Variants in CSNK1A1 observed in about 807,000 individuals in gnomAD.
CSNK1A1 encodes casein kinase 1 alpha 1, also known as casein kinase I isoform alpha.
A neutral mutation model predicts 46.1 loss-of-function variants in CSNK1A1; 7 were observed. The ratio of observed to expected loss-of-function variants is 0.15; its 90% CI spans 0.09 to 0.29. CSNK1A1 has a LOEUF of 0.29. CSNK1A1 is among the 10% of genes least tolerant of loss of function. The pLI is 1.00. For missense variants in CSNK1A1, 96 were observed against 417.1 expected, an observed-to-expected ratio of 0.23 and a Z score of 6.71; for synonymous variants, 137 against 141.5, an observed-to-expected ratio of 0.97 and a Z score of 0.23.
intron 2 of CSNK1A1, among the ~76,000 whole-genome samples, chr5:149,530,455 A>G (rs1761858368): frequency 6.6e-6 from 1 of 152,242 alleles, no homozygotes; most frequent in Non-Finnish European, 1.5e-5. Context: ...ACTAAAAAGT[A>G]TCAACACTGA....
rs537626457 is a variant in CSNK1A1, at chr5:149,550,777, A to G, written c.123+65T>C. 62 of 1,607,372 alleles carry G rather than the reference A, an allele frequency of 3.9e-5. No homozygotes were observed. The African/African-American group carries it at 5.9e-4, about 15-fold the overall frequency. ...AGAGGCCCGAGCACTTTGGGGGTGC[A>G]CGGTGGTGGTGGGGGGAATGAGTAA... On this transcript the variant is annotated intron_variant, in intron 1 of 9. Coordinates refer to ENST00000377843, the MANE Select transcript of CSNK1A1 (RefSeq NM_001892.6). The surrounding 1 kb of genome is among the most constrained non-coding windows in gnomAD (Gnocchi z 4.3).
intron 2 of CSNK1A1, among the ~76,000 whole-genome samples, chr5:149,536,456 G>A (rs959389411): frequency 1.3e-5 from 2 of 152,006 alleles, no homozygotes; most frequent in Non-Finnish European, 2.9e-5. Context: ...AGACAAAAAC[G>A]ATACAAAAAG....
intron 9 of CSNK1A1, chr5:149,504,263 A>C: frequency 1.0e-6 from 1 of 985,460 alleles, no homozygotes; most frequent in Non-Finnish European, 1.2e-6. Context: ...AAGCATCTCA[A>C]CTTCATTCCT....
chr5:149,506,945 A>G, intron 8 of CSNK1A1, 82 bp downstream of exon 8: 3 of 1,033,406 alleles, frequency 2.9e-6, no homozygotes, highest in Admixed American at 2.4e-5. Flanking sequence ...TTACTTTAGT[A>G]TTTATCAGAA....
Position 149,546,613 on chromosome 5 carries a change from C to T in CSNK1A1, c.230+3462G>A, listed in dbSNP as rs536949909. Among the ~76,000 whole-genome samples, 5 of 148,738 alleles carry T rather than the reference C, an allele frequency of 3.4e-5. No homozygotes were observed. In the South Asian group the frequency reaches 1.1e-3, roughly 31 times the overall value. On this transcript the variant is annotated intron_variant, in intron 2 of 9. Transcript: ENST00000377843. ...GTACCACTGCACTCCAGCCTGGTAA[C>T]AGAGTGAGACTCCATGTCAAAAAAA...
chr5:149,551,165 G>A lies in CSNK1A1; in HGVS notation c.-201C>T. 2.1e-6 allele frequency: 1 copy of A among 473,290 alleles called. No homozygotes were observed. Among genetic ancestry groups the A allele is most frequent in the South Asian group, 3.1e-5 (1 of 31,802 alleles). 29.3% of individuals were successfully genotyped at this position (473,290 alleles called of 1,614,324 possible). A position where few individuals can be genotyped will look rare whatever the true frequency, so the allele number is the denominator to read the frequency against. ...CGCTCAGTCAGGTTTCTTTTTGCCA[G>A]GCCGCAGTTTGTGAAGGGCTTCTCG... On this transcript the variant is annotated 5_prime_UTR_variant, in exon 1 of 10. Transcript: ENST00000377843.
chr5:149,502,667 G>A lies in CSNK1A1; in HGVS notation c.1006+2780C>T, dbSNP rs945591434. On this transcript the variant is annotated intron_variant, in intron 9 of 9. Transcript: ENST00000377843. ...TGGAATAACAGGCATGAGCCACTGC[G>A]CCTGTCCTAAAGTTTTTAACAAGAA... is the stretch of plus-strand genomic sequence containing the variant. 4.0e-5 allele frequency: 39 copies of A among 983,510 alleles called. No individual in the cohort carries two copies. The East Asian group carries it at 1.0e-3, about 26-fold the overall frequency. The allele number at this position is 983,510 out of a possible 1,614,324, so 60.9% of individuals were successfully genotyped here.
intron 2 of CSNK1A1, among the ~76,000 whole-genome samples, chr5:149,527,717 G>C (rs903973765): frequency 2.6e-5 from 4 of 151,968 alleles, no homozygotes; most frequent in Admixed American, 2.6e-4. Flanking sequence ...CTAGAGATCT[G>C]TCACGAACCT....
Position 149,525,280 on chromosome 5 carries a change from G to T in CSNK1A1, c.231-109C>A. 2 of 1,116,710 alleles carry T rather than the reference G, an allele frequency of 1.8e-6. No homozygotes were observed. The highest frequency in any genetic ancestry group is 2.1e-5 in the South Asian group (1 of 46,524). The allele number at this position is 1,116,710 out of a possible 1,614,324, so 69.2% of individuals were successfully genotyped here. A position where few individuals can be genotyped will look rare whatever the true frequency, so the allele number is the denominator to read the frequency against. On this transcript the variant is annotated intron_variant, in intron 2 of 9. Coordinates refer to ENST00000377843, the MANE Select transcript of CSNK1A1 (RefSeq NM_001892.6). The surrounding 1 kb of genome is among the most constrained non-coding windows in gnomAD (Gnocchi z 4.2). Reference sequence around the variant, plus strand: ...TCACTGACTAGGTATTATATAAGGCGAATGTTCCCCTACTCAGAAGACAAA... The same window carrying T: ...TCACTGACTAGGTATTATATAAGGCTAATGTTCCCCTACTCAGAAGACAAA...
chr5:149,547,523 T>C (rs188071033), intron 2 of CSNK1A1, among the ~76,000 whole-genome samples: 1 of 152,212 alleles, frequency 6.6e-6, no homozygotes, highest in Non-Finnish European at 1.5e-5. Context: ...TCTCCCAACA[T>C]AGATGAATCT....
chr5:149,501,741 C>T (rs1760863498), intron 9 of CSNK1A1: 1 of 985,218 alleles, frequency 1.0e-6, no homozygotes, highest in Non-Finnish European at 1.2e-6. Context: ...CTCTGCCTGC[C>T]CTCAATTAAA....
chr5:149,506,484 G>A (rs1369924006), intron 8 of CSNK1A1, among the ~76,000 whole-genome samples: 1 of 151,756 alleles, frequency 6.6e-6, no homozygotes, highest in Admixed American at 6.6e-5. Context: ...CGATCTGCCC[G>A]CCTCGGCCTC....
chr5:149,550,718 T>C lies in CSNK1A1; in HGVS notation c.123+124A>G, dbSNP rs1378914722. 5.6e-5 allele frequency: 76 copies of C among 1,361,780 alleles called. No homozygotes were observed. The highest frequency in any genetic ancestry group is 3.0e-6 in the Non-Finnish European group (3 of 998,048). The allele number at this position is 1,361,780 out of a possible 1,614,324, so 84.4% of individuals were successfully genotyped here. ...AGGTTCGTAAGCCAGGAAAACTAGC[T>C]CCCTGGACTCCCTGGCGAGTGCGTG... On this transcript the variant is annotated intron_variant, in intron 1 of 9. Transcript: ENST00000377843. This position sits in a 1 kb window ranked among gnomAD's most constrained non-coding sequence, Gnocchi z 4.3.
chr5:149,494,749 A>G lies in CSNK1A1; in HGVS notation c.*2104T>C, dbSNP rs1310238853. The G allele has an allele frequency of 1.3e-5, 2 of 152,190 alleles. No individual in the cohort carries two copies. The highest frequency in any genetic ancestry group is 1.3e-4 in the Admixed American group (2 of 15,260). The allele number at this position is 152,190 out of a possible 1,614,324, so 9.4% of individuals were successfully genotyped here. ...ATGACGATATACCAGGACAAAAAACACCTATATTTTGATTTACAAAGCTAA... is the reference window on the plus strand; with the variant it reads ...ATGACGATATACCAGGACAAAAAACGCCTATATTTTGATTTACAAAGCTAA... On this transcript the variant is annotated 3_prime_UTR_variant, in exon 10 of 10. Coordinates refer to ENST00000377843, the MANE Select transcript of CSNK1A1 (RefSeq NM_001892.6).
intron 2 of CSNK1A1, among the ~76,000 whole-genome samples, chr5:149,540,456 C>T (rs1005055071): frequency 2.0e-5 from 3 of 152,102 alleles, no homozygotes; most frequent in Admixed American, 2.0e-4. Context: ...TCTCAATTAT[C>T]ACTGAATACC....
At chr5:149,504,990 C>A (rs1269245875) in intron 9 of CSNK1A1, 6 of 985,640 alleles carry the variant, frequency 6.1e-6, no homozygotes, top group Admixed American at 6.1e-5. Flanking sequence ...AATGCTAAAG[C>A]ATTAACATGC....
At chr5:149,545,426 G>A in intron 2 of CSNK1A1, 3 of 535,860 alleles carry the variant, frequency 5.6e-6, no homozygotes, top group Non-Finnish European at 6.7e-6. Flanking sequence ...TTTGGGAGGA[G>A]CCTGAGCTGG....
chr5:149,496,947 T>C, intron 9 of CSNK1A1, 87 bp from the exon 10 acceptor site: 3 of 1,505,850 alleles, frequency 2.0e-6, no homozygotes, highest in Non-Finnish European at 2.6e-6. Flanking sequence ...TGGGTGGAAC[T>C]GAGCCAATAA....
At chr5:149,502,739 G>A in intron 9 of CSNK1A1, 1 of 984,312 alleles carries the variant, frequency 1.0e-6, no homozygotes, top group Admixed American at 6.2e-5. Flanking sequence ...TTTATTATTG[G>A]GATCAATGAA....
Sources: gnomAD v4.1 joint callset for allele counts (sites outside exome capture counted in the v4.1 genomes callset) on GRCh38, gnomAD v4.1.1 for gene constraint, Gnocchi (gnomAD v3.1) non-coding constraint, MANE v1.5 for transcripts, NCBI Gene and HGNC (gene_info 2026-07-23, HGNC 2026-07-21) for gene names.